PPME1: variants seen among roughly 807,000 people sequenced by gnomAD.
PPME1 encodes the protein testicular secretory protein Li 39.
A neutral mutation model predicts 56.9 loss-of-function variants in PPME1; 17 were observed. That is an observed-to-expected ratio of 0.30 (90% CI 0.20 to 0.45). The LOEUF (loss-of-function observed/expected upper bound fraction) is 0.45, where lower values mean the gene tolerates loss of function less well. Ranked by LOEUF, PPME1 falls within the 20% of genes least tolerant of loss-of-function variation. The pLI is 1.00. For synonymous variants in PPME1, 122 were observed against 156.2 expected, an observed-to-expected ratio of 0.78 and a Z score of 1.63; for missense variants, 357 against 483.2, an observed-to-expected ratio of 0.74 and a Z score of 2.45.
At chr11:74,185,031 A>C (rs1207220918) in intron 1 of PPME1, among the ~76,000 whole-genome samples, 1 of 116,948 alleles carries the variant, frequency 8.6e-6, no homozygotes, top group African/African-American at 3.3e-5. Context: ...ACAGAGTCTC[A>C]CTCTGTCACC....
intron 1 of PPME1, among the ~76,000 whole-genome samples, chr11:74,181,184 A>G (rs1857526091): frequency 6.6e-6 from 1 of 151,612 alleles, no homozygotes; most frequent in Admixed American, 6.6e-5. Flanking sequence ...AGCTGGGACT[A>G]CAGGCGCCTG....
chr11:74,210,648 C>T (rs73549003), intron 3 of PPME1, among the ~76,000 whole-genome samples: 2,696 of 152,250 alleles, frequency 0.018, 76 homozygotes, highest in African/African-American at 0.062. Flanking sequence ...TCTGCTTCCA[C>T]TTTTATCACA....
intron 1 of PPME1, among the ~76,000 whole-genome samples, chr11:74,184,840 A>G (rs1222298533): frequency 6.6e-6 from 1 of 152,158 alleles, no homozygotes; most frequent in Non-Finnish European, 1.5e-5. Flanking sequence ...CCTAGGAAGT[A>G]TATCAGGGCC....
intron 8 of PPME1, chr11:74,238,473 C>T (rs1032306810): frequency 6.6e-6 from 1 of 152,148 alleles, no homozygotes; most frequent in Non-Finnish European, 1.5e-5. Flanking sequence ...TGCCCAGGCC[C>T]TTGGGATTTT....
At chr11:74,241,751 G>C (rs1359273437) in intron 9 of PPME1, among the ~76,000 whole-genome samples, 1 of 152,088 alleles carries the variant, frequency 6.6e-6, no homozygotes, top group East Asian at 1.9e-4. Flanking sequence ...CTGATATTGA[G>C]TTTCTTTTCA....
At position 74,230,653 on chromosome 11, in the gene PPME1, G is replaced by T. The variant is rs1010442234; in HGVS notation, c.553+254G>T. The T allele has an allele frequency of 2.5e-5, 15 of 597,850 alleles. No individual in the cohort carries two copies. Among genetic ancestry groups the T allele is most frequent in the African/African-American group, 3.8e-5 (2 of 53,132 alleles). The allele number at this position is 597,850 out of a possible 1,614,324, so 37.0% of individuals were successfully genotyped here. A position where few individuals can be genotyped will look rare whatever the true frequency, so the allele number is the denominator to read the frequency against. On this transcript the variant is annotated intron_variant, in intron 6 of 13. Coordinates refer to ENST00000328257, the MANE Select transcript of PPME1 (RefSeq NM_016147.3). This position sits in a 1 kb window ranked among gnomAD's most constrained non-coding sequence, Gnocchi z 4.9. ...ATAATTGTATTTAATCATATAAAAA[G>T]AAGCTGCCATGTCTTTTCTGACCCA...
At chr11:74,201,736 C>T (rs2135621260) in intron 1 of PPME1, among the ~76,000 whole-genome samples, 1 of 152,304 alleles carries the variant, frequency 6.6e-6, no homozygotes, top group Middle Eastern at 3.4e-3. Flanking sequence ...CTCGTTTGTG[C>T]ATAGTGAATA....
intron 3 of PPME1, among the ~76,000 whole-genome samples, chr11:74,211,444 G>A (rs1390910952): frequency 6.6e-6 from 1 of 151,950 alleles, no homozygotes; most frequent in Non-Finnish European, 1.5e-5. Context: ...AAAGAAATAA[G>A]CCCATGTATA....
intron 1 of PPME1, among the ~76,000 whole-genome samples, chr11:74,188,453 G>A (rs938897684): frequency 6.6e-6 from 1 of 152,032 alleles, no homozygotes; most frequent in African/African-American, 2.4e-5. Context: ...CCAAAGTGCT[G>A]GGATTACAGG....
intron 3 of PPME1, among the ~76,000 whole-genome samples, chr11:74,207,271 C>G (rs551754155): frequency 6.6e-6 from 1 of 152,306 alleles, no homozygotes; most frequent in South Asian, 2.1e-4. Context: ...GTCCATAATT[C>G]TATAAAATCC....
rs1053943759 is a variant in PPME1, at chr11:74,239,130, T to A, written c.711-3T>A. 3.7e-6 allele frequency: 6 copies of A among 1,609,744 alleles called. No homozygotes were observed. The highest frequency in any genetic ancestry group is 3.4e-5 in the Admixed American group (2 of 58,914). ...GTAATAGCACTTTTTTAAAAAAACC[T>A]AGGTGTGAAGGAATTACAAGTCCAG... On this transcript the variant is annotated splice_polypyrimidine_tract_variant and splice_region_variant and intron_variant, in intron 8 of 13. Coordinates refer to ENST00000328257, the MANE Select transcript of PPME1 (RefSeq NM_016147.3).
chr11:74,217,564 GGAAAAA>G (rs1858686048), intron 3 of PPME1, among the ~76,000 whole-genome samples: 1 of 139,812 alleles, frequency 7.2e-6, no homozygotes, highest in South Asian at 2.3e-4. Flanking sequence ...AAAAAAAAAA[GGAAAAA>G]GATTATTCAT....
chr11:74,190,111 T>C (rs1328772776), intron 1 of PPME1, among the ~76,000 whole-genome samples: 5 of 152,230 alleles, frequency 3.3e-5, no homozygotes, highest in Non-Finnish European at 5.9e-5. Context: ...AAACCATTGT[T>C]AATGAAGCAG....
At chr11:74,250,872 G>T in intron 11 of PPME1, 82 bp from the exon 12 acceptor site, 1 of 1,229,462 alleles carries the variant, frequency 8.1e-7, no homozygotes, top group African/African-American at 1.5e-5. Context: ...GGTAGGTCCT[G>T]GGCTCCTGGA....
At position 74,230,160 on chromosome 11, in the gene PPME1, C is replaced by T; in HGVS notation, c.399-85C>T. The T allele has an allele frequency of 7.0e-7, 1 of 1,435,318 alleles. No individual in the cohort carries two copies. Among genetic ancestry groups the T allele is most frequent in the South Asian group, 1.4e-5 (1 of 73,798 alleles). 88.9% of individuals were successfully genotyped at this position (1,435,318 alleles called of 1,614,324 possible). ...TTTACAGTTTCCCAGCACTGTTACA[C>T]ACCAAAGAAAGGAACTGGGAAAGAA... On this transcript the variant is annotated intron_variant, in intron 5 of 13. Transcript: ENST00000328257. The surrounding 1 kb of genome is among the most constrained non-coding windows in gnomAD (Gnocchi z 4.9).
At chr11:74,217,563 A>G (rs28851815) in intron 3 of PPME1, among the ~76,000 whole-genome samples, 3 of 140,388 alleles carry the variant, frequency 2.1e-5, no homozygotes, top group South Asian at 2.3e-4. Context: ...AAAAAAAAAA[A>G]GGAAAAAGAT....
intron 2 of PPME1, 79 bp from the exon 3 acceptor site, chr11:74,204,274 C>A: frequency 8.9e-7 from 1 of 1,117,472 alleles, no homozygotes; most frequent in Non-Finnish European, 1.3e-6. Context: ...ATGTAAGTTT[C>A]TAGCGGTATT....
At position 74,209,703 on chromosome 11, in the gene PPME1, T is replaced by C. The variant is rs147529171; in HGVS notation, c.288+5258T>C. ...ACTAGTTAGAAGGCTATTCTTATAT[T>C]ACTCAATTCTAAATATTTGACATCT... On this transcript the variant is annotated intron_variant, in intron 3 of 13. Coordinates refer to ENST00000328257, the MANE Select transcript of PPME1 (RefSeq NM_016147.3). 1.6e-4 allele frequency among the ~76,000 whole-genome samples: 24 copies of C among 152,306 alleles called. No homozygotes were observed. The East Asian group carries it at 4.1e-3, about 26-fold the overall frequency.
chr11:74,230,663 T>C lies in PPME1; in HGVS notation c.554-249T>C, dbSNP rs1859043006. On this transcript the variant is annotated intron_variant, in intron 6 of 13. Coordinates refer to ENST00000328257, the MANE Select transcript of PPME1 (RefSeq NM_016147.3). This position sits in a 1 kb window ranked among gnomAD's most constrained non-coding sequence, Gnocchi z 4.9. ...TTAATCATATAAAAAGAAGCTGCCA[T>C]GTCTTTTCTGACCCAGCTTCAGAAG... The C allele has an allele frequency of 8.4e-6, 5 of 598,110 alleles. No individual in the cohort carries two copies. In the African/African-American group the frequency reaches 9.4e-5, roughly 11 times the overall value. The allele number at this position is 598,110 out of a possible 1,614,324, so 37.1% of individuals were successfully genotyped here.
Sources: gnomAD v4.1 joint callset for allele counts (sites outside exome capture counted in the v4.1 genomes callset) on GRCh38, gnomAD v4.1.1 for gene constraint, Gnocchi (gnomAD v3.1) non-coding constraint, MANE v1.5 for transcripts, NCBI Gene and HGNC (gene_info 2026-07-23, HGNC 2026-07-21) for gene names.